Variants in OR10J1 observed in about 807,000 individuals in gnomAD.
OR10J1 encodes olfactory receptor 10J1.
For synonymous variants in OR10J1, 202 were observed against 143.8 expected, an observed-to-expected ratio of 1.40 and a Z score of -2.89; for missense variants, 474 against 376.6, an observed-to-expected ratio of 1.26 and a Z score of -2.14.
the OR10J1 span, among the ~76,000 whole-genome samples, chr1:159,428,979 C>A: frequency 6.6e-6 from 1 of 152,198 alleles, no homozygotes; most frequent in South Asian, 2.1e-4. Context: ...CTTAGGGTAT[C>A]CTGGGGGATT....
the OR10J1 span, among the ~76,000 whole-genome samples, chr1:159,397,714 C>T: frequency 5.3e-5 from 8 of 152,252 alleles, no homozygotes; most frequent in African/African-American, 1.2e-4. Context: ...TTGTGGTTTC[C>T]GTGCCAGCTC....
the OR10J1 span, among the ~76,000 whole-genome samples, chr1:159,427,378 G>A: frequency 6.6e-6 from 1 of 151,608 alleles, no homozygotes; most frequent in South Asian, 2.1e-4. Context: ...TTGGATAGTT[G>A]AAGAGATTAA....
the OR10J1 span, among the ~76,000 whole-genome samples, chr1:159,411,367 T>C: frequency 6.6e-6 from 1 of 152,164 alleles, no homozygotes; most frequent in Admixed American, 6.6e-5. Flanking sequence ...ACTTGCTTTA[T>C]GAATCTGGGT....
chr1:159,427,367 T>A, the OR10J1 span, among the ~76,000 whole-genome samples: 6 of 151,704 alleles, frequency 4.0e-5, no homozygotes, highest in Admixed American at 1.3e-4. Context: ...ATTTTTTAAG[T>A]TTGGATAGTT....
At chr1:159,400,580 A>G in the OR10J1 span, among the ~76,000 whole-genome samples, 2 of 149,932 alleles carry the variant, frequency 1.3e-5, no homozygotes, top group Non-Finnish European at 3.0e-5. Flanking sequence ...ATTACATAAA[A>G]TTTAAATATA....
rs748582292 is a variant in OR10J1, at chr1:159,439,908, A to T, written c.117A>T (p.Leu39Phe). 1 of 1,614,182 alleles carries T rather than the reference A, an allele frequency of 6.2e-7. No individual in the cohort carries two copies. Among genetic ancestry groups the T allele is most frequent in the Non-Finnish European group, 8.5e-7 (1 of 1,180,022 alleles). ...GVFLALYILT[L>F]AGNIIIVTII... is the part of the protein sequence containing the mutation. Reference sequence around the variant, plus strand: ...TCCTTGCACTATACATCTTAACCTTAGCAGGCAATATCATCATTGTGACCA... The same window carrying T: ...TCCTTGCACTATACATCTTAACCTTTGCAGGCAATATCATCATTGTGACCA... The change falls in exon 1 of 1, where the codon TTA (leucine) becomes TTT (phenylalanine). Residue 39 changes from leucine to phenylalanine, a missense_variant. Coordinates refer to ENST00000423932, the MANE Select transcript of OR10J1 (RefSeq NM_012351.3).
chr1:159,432,522 A>G, the OR10J1 span: 3 of 459,556 alleles, frequency 6.5e-6, no homozygotes, highest in East Asian at 9.5e-5. Context: ...TTTCTATCTC[A>G]CTTTTGGTGT....
the OR10J1 span, among the ~76,000 whole-genome samples, chr1:159,431,466 C>T: frequency 6.6e-6 from 1 of 152,182 alleles, no homozygotes; most frequent in Non-Finnish European, 1.5e-5. Context: ...CTCATTCACT[C>T]TTTAGGTATG....
chr1:159,402,236 A>G, the OR10J1 span, among the ~76,000 whole-genome samples: 9 of 152,236 alleles, frequency 5.9e-5, no homozygotes, highest in African/African-American at 1.4e-4. Context: ...GTTATTCAGT[A>G]TAGTACTAGA....
At chr1:159,425,901 T>C in the OR10J1 span, among the ~76,000 whole-genome samples, 1 of 151,980 alleles carries the variant, frequency 6.6e-6, no homozygotes, top group Non-Finnish European at 1.5e-5. Context: ...GAACTGAAAG[T>C]GGCTGCCTCC....
In OR10J1 at chr1:159,440,283, C is replaced by T. The variant is rs909475231; in HGVS notation, c.492C>T (p.Phe164=). Residue 164 remains phenylalanine (F), a synonymous_variant, in exon 1 of 1, where the codon TTC becomes TTT. Coordinates refer to ENST00000423932, the MANE Select transcript of OR10J1 (RefSeq NM_012351.3). The part of the protein sequence containing the change: ...IVAITQVTSV[F]RLPFCARKVP... The stretch of plus-strand genomic sequence containing the variant: ...CAATAACGCAAGTGACATCTGTATT[C>T]AGGTTACCCTTCTGTGCTAGAAAGG... 14 of 1,614,060 alleles carry T rather than the reference C, an allele frequency of 8.7e-6. No homozygotes were observed. Among genetic ancestry groups the T allele is most frequent in the Non-Finnish European group, 1.1e-5 (13 of 1,180,030 alleles).
In OR10J1 at chr1:159,440,246, G is replaced by T. The variant is rs1655893818; in HGVS notation, c.455G>T (p.Gly152Val). Residue 152 changes from glycine to valine, a missense_variant, in exon 1 of 1, where the codon GGG becomes GTG. Gly to Val is a moderately radical substitution (Grantham distance 109). Coordinates refer to ENST00000423932, the MANE Select transcript of OR10J1 (RefSeq NM_012351.3). ...IQLVLGACSI[G>V]LIVAITQVTS... ...CTTGTCCTGGGGGCCTGCAGCATTGGGCTGATTGTAGCAATAACGCAAGTG... is the reference window on the plus strand; with the variant it reads ...CTTGTCCTGGGGGCCTGCAGCATTGTGCTGATTGTAGCAATAACGCAAGTG... 1 of 1,613,986 alleles carries T rather than the reference G, an allele frequency of 6.2e-7. No homozygotes were observed. Among genetic ancestry groups the T allele is most frequent in the Non-Finnish European group, 8.5e-7 (1 of 1,180,008 alleles).
At chr1:159,404,677 G>A in the OR10J1 span, among the ~76,000 whole-genome samples, 1 of 152,086 alleles carries the variant, frequency 6.6e-6, no homozygotes, top group Non-Finnish European at 1.5e-5. Context: ...AGAGGTGTCG[G>A]CTTCATGTTA....
At chr1:159,413,385 C>A in the OR10J1 span, among the ~76,000 whole-genome samples, 1 of 151,910 alleles carries the variant, frequency 6.6e-6, no homozygotes, top group Admixed American at 6.6e-5. Flanking sequence ...AAGACACATG[C>A]ACACGTATGT....
At chr1:159,400,968 T>C in the OR10J1 span, among the ~76,000 whole-genome samples, 2 of 151,972 alleles carry the variant, frequency 1.3e-5, no homozygotes, top group Non-Finnish European at 2.9e-5. Context: ...TCAGAAATTT[T>C]GGAAAATATA....
the OR10J1 span, among the ~76,000 whole-genome samples, chr1:159,414,058 C>G: frequency 2.0e-5 from 3 of 151,872 alleles, no homozygotes; most frequent in Non-Finnish European, 4.4e-5. Context: ...TTTAGGGTAT[C>G]TATCACCTTC....
chr1:159,431,859 C>T, the OR10J1 span, among the ~76,000 whole-genome samples: 1 of 152,112 alleles, frequency 6.6e-6, no homozygotes, highest in East Asian at 1.9e-4. Context: ...CTATGATGTT[C>T]AGTCAGGTGT....
Position 159,440,311 on chromosome 1 carries a change from C to T in OR10J1, c.520C>T (p.Pro174Ser), listed in dbSNP as rs771261208. The change falls in exon 1 of 1, where the codon CCC (proline) becomes TCC (serine). Residue 174 changes from proline to serine, a missense_variant. By Grantham distance (74) the Pro-to-Ser change is moderately conservative. Coordinates refer to ENST00000423932, the MANE Select transcript of OR10J1 (RefSeq NM_012351.3). The stretch of plus-strand genomic sequence containing the variant: ...GTTACCCTTCTGTGCTAGAAAGGTG[C>T]CCCACTTCTTCTGTGACATCCGCCC... ...FRLPFCARKV[P>S]HFFCDIRPVM... 8 of 1,614,118 alleles carry T rather than the reference C, an allele frequency of 5.0e-6. No individual in the cohort carries two copies. The South Asian group carries it at 7.7e-5, about 16-fold the overall frequency.
chr1:159,432,692 T>C, the OR10J1 span: 1 of 409,758 alleles, frequency 2.4e-6, no homozygotes, highest in Non-Finnish European at 4.3e-6. Flanking sequence ...AGGTGTCTTC[T>C]GTATTCAGCC....
Sources: gnomAD v4.1 joint callset for allele counts (sites outside exome capture counted in the v4.1 genomes callset) on GRCh38, gnomAD v4.1.1 for gene constraint, MANE v1.5 for transcripts, NCBI Gene and HGNC (gene_info 2026-07-23, HGNC 2026-07-21) for gene names.